The following RGS22 variants were observed in gnomAD, a reference collection of about 807,000 sequenced individuals.
RGS22 encodes the protein regulator of G-protein signaling 22.
RGS22 carries 148 observed loss-of-function variants against 172.9 expected under a neutral mutation model. That is an observed-to-expected ratio of 0.86 (90% confidence interval 0.75 to 0.98). RGS22 has a LOEUF of 0.98. RGS22 is among the 50% of genes least tolerant of loss of function. The probability of loss-of-function intolerance (pLI) is 0.00; values close to 1 mark genes in which losing one functional copy is unlikely to be tolerated. For synonymous variants in RGS22, 458 were observed against 480.2 expected (o/e 0.95, Z 0.60); for missense variants, 1,347 against 1,440.8 (o/e 0.93, Z 1.05).
intron 9 of RGS22, among the ~76,000 whole-genome samples, chr8:100,054,793 T>G (rs1216746876): frequency 2.6e-5 from 4 of 152,128 alleles, no homozygotes; most frequent in Non-Finnish European, 5.9e-5. Flanking sequence ...TCAAAATTAC[T>G]TATTTGCATG....
intron 9 of RGS22, among the ~76,000 whole-genome samples, chr8:100,056,990 G>A (rs1226636722): frequency 2.0e-5 from 3 of 152,228 alleles, no homozygotes; most frequent in Non-Finnish European, 4.4e-5. Flanking sequence ...CATGAAGGCA[G>A]TCGGGAGGGA....
intron 22 of RGS22, among the ~76,000 whole-genome samples, chr8:99,979,067 T>C (rs1029845797): frequency 6.6e-6 from 1 of 152,206 alleles, no homozygotes; most frequent in Non-Finnish European, 1.5e-5. Flanking sequence ...GGAGTGTAAA[T>C]GTAAAATCTA....
At chr8:100,047,655 C>T (rs1399254463) in intron 10 of RGS22, 59 bp from the exon 11 acceptor site, 1 of 1,453,230 alleles carries the variant, frequency 6.9e-7, no homozygotes, top group Non-Finnish European at 9.2e-7. Flanking sequence ...CAGCTCTGCA[C>T]CTATACCTCA....
chr8:100,006,198 A>G, intron 15 of RGS22, 89 bp from the exon 16 acceptor site: 1 of 1,005,006 alleles, frequency 1.0e-6, no homozygotes. Flanking sequence ...GTTGCCAATA[A>G]AGGAAATTAT....
At chr8:100,024,661 A>G (rs1424011830) in intron 14 of RGS22, among the ~76,000 whole-genome samples, 2 of 152,166 alleles carry the variant, frequency 1.3e-5, no homozygotes, top group Non-Finnish European at 2.9e-5. Flanking sequence ...ATAAACAGAT[A>G]CTCTTTTTTC....
At chr8:100,026,499 G>C (rs1008180111) in intron 14 of RGS22, among the ~76,000 whole-genome samples, 1 of 152,052 alleles carries the variant, frequency 6.6e-6, no homozygotes, top group Non-Finnish European at 1.5e-5. Context: ...ATAAACCCTG[G>C]GTAAATAGTA....
Position 100,052,170 on chromosome 8 carries a change from CAT to C in RGS22, c.1689+630_1689+631del, listed in dbSNP as rs1554626709. Reference sequence around the variant, plus strand: ...ATTAATATATATATAAATATATAAACATATATAAATATATAAACATATATAAA... The same window carrying C: ...ATTAATATATATATAAATATATAAACATATAAATATATAAACATATATAAA... On this transcript the variant is annotated intron_variant, in intron 10 of 27. Transcript: ENST00000360863. 1.8e-3 allele frequency among the ~76,000 whole-genome samples: 38 copies of C among 20,978 alleles called. 13 individuals are homozygous for C. The highest frequency in any genetic ancestry group is 3.7e-4 in the Non-Finnish European group (4 of 10,770). 13.8% of individuals were successfully genotyped at this position (20,978 alleles called of 152,430 possible). A position where few individuals can be genotyped will look rare whatever the true frequency, so the allele number is the denominator to read the frequency against.
At chr8:100,080,423 T>C in intron 3 of RGS22, 68 bp from the exon 4 acceptor site, 1 of 1,178,080 alleles carries the variant, frequency 8.5e-7, no homozygotes, top group Non-Finnish European at 1.2e-6. Flanking sequence ...CTAAGAAGAC[T>C]TGTGGTTTAC....
chr8:100,071,907 T>G (rs545525297), intron 5 of RGS22, among the ~76,000 whole-genome samples: 103 of 152,264 alleles, frequency 6.8e-4, no homozygotes, highest in African/African-American at 2.4e-3. Flanking sequence ...TAGATAATTT[T>G]TAAAATATGG....
At chr8:100,023,448 G>A (rs1043778313) in intron 14 of RGS22, among the ~76,000 whole-genome samples, 3 of 152,042 alleles carry the variant, frequency 2.0e-5, no homozygotes, top group African/African-American at 4.8e-5. Context: ...TAAGAGCTAG[G>A]GTCTCACTCT....
rs1810528455 is a variant in RGS22, at chr8:100,066,270, C to T, written c.621G>A (p.Trp207Ter). The T allele has an allele frequency of 1.2e-6, 2 of 1,612,974 alleles. No homozygotes were observed. Among genetic ancestry groups the T allele is most frequent in the Admixed American group, 1.7e-5 (1 of 59,980 alleles). ...GEASYTQTKD[W>*]FALAKQSQQT... ...GCTGACTTTGTTTTGCTAATGCAAA[C>T]CAATCTTTTGTTTGAGTATAGGAAG... is the stretch of plus-strand genomic sequence containing the variant. The change falls in exon 7 of 28, where the codon TGG becomes TGA. Residue 207 changes from tryptophan (W) to a stop codon, truncating the protein, a stop_gained. Coordinates refer to ENST00000360863, the MANE Select transcript of RGS22 (RefSeq NM_015668.5). LOFTEE classifies it high-confidence loss of function.
chr8:100,055,803 A>G (rs890730163), intron 9 of RGS22, among the ~76,000 whole-genome samples: 3 of 152,090 alleles, frequency 2.0e-5, no homozygotes, highest in African/African-American at 7.2e-5. Context: ...AGCCATGTGG[A>G]ACTGTGAGTT....
At chr8:100,077,989 T>C (rs1350407737) in intron 4 of RGS22, among the ~76,000 whole-genome samples, 2 of 152,232 alleles carry the variant, frequency 1.3e-5, no homozygotes, top group Non-Finnish European at 2.9e-5. Context: ...TTATCCATAG[T>C]AAGATTCCTT....
intron 11 of RGS22, among the ~76,000 whole-genome samples, chr8:100,046,044 T>C (rs936901091): frequency 6.6e-6 from 1 of 151,964 alleles, no homozygotes; most frequent in Non-Finnish European, 1.5e-5. Context: ...TTATGGTATA[T>C]CTATTGCTAT....
chr8:100,089,213 C>G (rs1159869263), intron 3 of RGS22, among the ~76,000 whole-genome samples: 1 of 145,282 alleles, frequency 6.9e-6, no homozygotes, highest in Non-Finnish European at 1.5e-5. Context: ...CACACACAAA[C>G]ACACACACAC....
chr8:100,010,758 T>G (rs1816286681), intron 14 of RGS22, among the ~76,000 whole-genome samples: 2 of 151,994 alleles, frequency 1.3e-5, no homozygotes, highest in Non-Finnish European at 2.9e-5. Flanking sequence ...ATTTATGTAT[T>G]GGACTAGGGA....
At chr8:100,092,754 AC>A (rs1485198313) in intron 3 of RGS22, among the ~76,000 whole-genome samples, 1 of 152,160 alleles carries the variant, frequency 6.6e-6, no homozygotes, top group Non-Finnish European at 1.5e-5. Flanking sequence ...AGCAGCATAG[AC>A]TATATGGACT....
chr8:100,078,940 T>A (rs1193146117), intron 4 of RGS22, among the ~76,000 whole-genome samples: 2 of 152,228 alleles, frequency 1.3e-5, no homozygotes, highest in African/African-American at 4.8e-5. Context: ...TCTCATTACT[T>A]ATGCCTCTTT....
At chr8:100,095,863 T>C (rs1426187054) in intron 2 of RGS22, among the ~76,000 whole-genome samples, 1 of 152,250 alleles carries the variant, frequency 6.6e-6, no homozygotes, top group Admixed American at 6.5e-5. Context: ...CCTTAATTTC[T>C]ATCAATATGA....
Sources: gnomAD v4.1 joint callset for allele counts (sites outside exome capture counted in the v4.1 genomes callset) on GRCh38, gnomAD v4.1.1 for gene constraint, MANE v1.5 for transcripts, NCBI Gene and HGNC (gene_info 2026-07-23, HGNC 2026-07-21) for gene names.